NOD1: variants seen among roughly 807,000 people sequenced by gnomAD.
The protein encoded by NOD1 is nucleotide-binding oligomerization domain-containing protein 1.
In NOD1, 70 loss-of-function variants were observed where a neutral mutation model predicts 81.2. The observed-to-expected ratio is 0.86, with a 90% CI of 0.71 to 1.05. NOD1 has a LOEUF of 1.05. Ranked by LOEUF, NOD1 falls within the 50% of genes least tolerant of loss-of-function variation. NOD1 has a pLI of 0.00. For missense variants in NOD1, 1,233 were observed against 1,228.0 expected (o/e 1.00, Z -0.06); for synonymous variants, 508 against 526.9 (o/e 0.96, Z 0.49).
Position 30,451,206 on chromosome 7 carries a change from G to A in NOD1, c.2201+10C>T, listed in dbSNP as rs769462181. On this transcript the variant is annotated intron_variant, in intron 6 of 13. Transcript: ENST00000222823. This position sits in a 1 kb window ranked among gnomAD's most constrained non-coding sequence, Gnocchi z 4.2. ...GCCCACCTGTTGCTCCCCTTGCCTG[G>A]CAGCCTCACCTGAGAACAGTGAGGC... 1.9e-6 allele frequency: 3 copies of A among 1,606,804 alleles called. No homozygotes were observed. The highest frequency in any genetic ancestry group is 1.7e-5 in the Admixed American group (1 of 59,806).
At position 30,459,260 on chromosome 7, in the gene NOD1, CT is replaced by C. The variant is rs1322919366; in HGVS notation, c.-210-21del. 6.6e-6 allele frequency: 1 copy of C among 152,488 alleles called. No homozygotes were observed. Among genetic ancestry groups the C allele is most frequent in the Non-Finnish European group, 1.5e-5 (1 of 68,002 alleles). 9.4% of individuals were successfully genotyped at this position (152,488 alleles called of 1,614,324 possible). On this transcript the variant is annotated intron_variant, in intron 2 of 13. Coordinates refer to ENST00000222823, the MANE Select transcript of NOD1 (RefSeq NM_006092.4). Reference sequence around the variant, plus strand: ...TGGAATCTGCAAAATCAAAGAAAGACTTAAAAAAATTATTGTGGCACATGGT... The same window carrying C: ...TGGAATCTGCAAAATCAAAGAAAGACTAAAAAAATTATTGTGGCACATGGT...
intron 1 of NOD1, chr7:30,463,685 T>A (rs1039954003): frequency 3.4e-5 from 5 of 148,610 alleles, no homozygotes; most frequent in African/African-American, 1.3e-4. Context: ...TGTGCATTTC[T>A]TATAACTGAG....
intron 6 of NOD1, among the ~76,000 whole-genome samples, chr7:30,450,809 A>G (rs112021450): frequency 6.6e-6 from 1 of 152,308 alleles, no homozygotes; most frequent in African/African-American, 2.4e-5. Flanking sequence ...CTGTGCCTCT[A>G]CTTCCTTATC....
At chr7:30,454,847 A>G (rs2128062796) in intron 5 of NOD1, among the ~76,000 whole-genome samples, 1 of 152,340 alleles carries the variant, frequency 6.6e-6, no homozygotes, top group African/African-American at 2.4e-5. Context: ...TTGTGCAACC[A>G]TTAAAATGTC....
intron 3 of NOD1, among the ~76,000 whole-genome samples, chr7:30,458,567 C>G (rs909592583): frequency 1.1e-4 from 16 of 151,956 alleles, no homozygotes; most frequent in African/African-American, 3.9e-4. Flanking sequence ...CTATCAAATG[C>G]CAGACCCCAC....
In NOD1 at chr7:30,426,059, G is replaced by A. The variant is rs1783421129; in HGVS notation, c.2790-349C>T. ...CTCCCTCCCCTTGGCTTGGTTATAT[G>A]CGCTGATTTTTCTCCTGCATCTGAG... is the stretch of plus-strand genomic sequence containing the variant. On this transcript the variant is annotated intron_variant, in intron 13 of 13. Coordinates refer to ENST00000222823, the MANE Select transcript of NOD1 (RefSeq NM_006092.4). Among the ~76,000 whole-genome samples the A allele has an allele frequency of 3.3e-5, 5 of 151,940 alleles. 1 individual carries two copies. The South Asian group carries it at 1.0e-3, about 31-fold the overall frequency.
At chr7:30,454,491 G>A (rs1245366806) in intron 5 of NOD1, among the ~76,000 whole-genome samples, 1 of 152,226 alleles carries the variant, frequency 6.6e-6, no homozygotes, top group African/African-American at 2.4e-5. Flanking sequence ...TAGGGTCTTG[G>A]CATGTGGTGG....
intron 12 of NOD1, among the ~76,000 whole-genome samples, chr7:30,430,641 G>GAAGAA (rs551602460): frequency 6.6e-6 from 1 of 152,206 alleles, no homozygotes; most frequent in South Asian, 2.1e-4. Context: ...ACAGAACCTT[G>GAAGAA]AAGAAATAAA....
At chr7:30,426,508 C>T (rs577461895) in intron 13 of NOD1, among the ~76,000 whole-genome samples, 1 of 152,132 alleles carries the variant, frequency 6.6e-6, no homozygotes, top group East Asian at 1.9e-4. Context: ...GTACAATGTC[C>T]TACTGACAGG....
intron 12 of NOD1, 123 bp from the exon 13 acceptor site, chr7:30,429,580 A>G (rs1415924919): frequency 6.5e-6 from 5 of 765,224 alleles, no homozygotes; most frequent in Non-Finnish European, 9.2e-6. Context: ...AACTGAGTCC[A>G]TGTGACTTTG....
At position 30,425,271 on chromosome 7, in the gene NOD1, C is replaced by G; in HGVS notation, c.*367G>C. On this transcript the variant is annotated 3_prime_UTR_variant, in exon 14 of 14. Transcript: ENST00000222823. Reference sequence around the variant, plus strand: ...TGAAAAGAGCGGTGACCAACTCGCTCCCGTTGGTCCCTATGGCAGGTGTTG... The same window carrying G: ...TGAAAAGAGCGGTGACCAACTCGCTGCCGTTGGTCCCTATGGCAGGTGTTG... 1 of 228,804 alleles carries G rather than the reference C, an allele frequency of 4.4e-6. No homozygotes were observed. The highest frequency in any genetic ancestry group is 8.7e-6 in the Non-Finnish European group (1 of 115,592). 14.2% of individuals were successfully genotyped at this position (228,804 alleles called of 1,614,324 possible).
In NOD1 at chr7:30,424,825, C is replaced by A. The variant is rs1000152551; in HGVS notation, c.*813G>T. 4 of 152,254 alleles carry A rather than the reference C, an allele frequency of 2.6e-5. No individual in the cohort carries two copies. Among genetic ancestry groups the A allele is most frequent in the African/African-American group, 9.7e-5 (4 of 41,446 alleles). 9.4% of individuals were successfully genotyped at this position (152,254 alleles called of 1,614,324 possible). On this transcript the variant is annotated 3_prime_UTR_variant, in exon 14 of 14. Transcript: ENST00000222823. ...GCCATGCCCTATTTCTTTGGAGGGA[C>A]AGAATCACTTCTTCCCAAGGCCAGA... is the stretch of plus-strand genomic sequence containing the variant.
chr7:30,472,265 C>T (rs1406021192), intron 1 of NOD1, among the ~76,000 whole-genome samples: 1 of 152,190 alleles, frequency 6.6e-6, no homozygotes, highest in African/African-American at 2.4e-5. Context: ...CCCTCCTGGG[C>T]TTGGGCCTTA....
chr7:30,431,689 G>T (rs1457901396), intron 12 of NOD1, among the ~76,000 whole-genome samples: 1 of 152,148 alleles, frequency 6.6e-6, no homozygotes, highest in African/African-American at 2.4e-5. Flanking sequence ...CAACTATAAC[G>T]CTTAACAGAA....
In NOD1 at chr7:30,467,411, G is replaced by A. The variant is rs1583864509; in HGVS notation, c.-351-7370C>T. On this transcript the variant is annotated intron_variant, in intron 1 of 13. Coordinates refer to ENST00000222823, the MANE Select transcript of NOD1 (RefSeq NM_006092.4). The surrounding 1 kb of genome is among the most constrained non-coding windows in gnomAD (Gnocchi z 4.5). The stretch of plus-strand genomic sequence containing the variant: ...ATATTTTAGGGCCTTTTCCTCATTA[G>A]GGCATCTCAGGACATCTTGAGGCAG... Among the ~76,000 whole-genome samples, 1 of 151,994 alleles carries A rather than the reference G, an allele frequency of 6.6e-6. No homozygotes were observed. The highest frequency in any genetic ancestry group is 1.5e-5 in the Non-Finnish European group (1 of 67,996).
chr7:30,451,895 C>T lies in NOD1; in HGVS notation c.1522G>A (p.Gly508Ser), dbSNP rs150897372. The T allele has an allele frequency of 7.0e-5, 113 of 1,613,516 alleles. No homozygotes were observed. The highest frequency in any genetic ancestry group is 8.4e-5 in the Non-Finnish European group (99 of 1,180,004). Reference sequence around the variant, plus strand: ...AAAAACTCATAGGACTGCTGGTCACCCCCGGGGCCCAGCTCCGGCAAAGCC... The same window carrying T: ...AAAAACTCATAGGACTGCTGGTCACTCCCGGGGCCCAGCTCCGGCAAAGCC... ...LRALPELGPG[G>S]DQQSYEFFHL... Residue 508 changes from glycine to serine, a missense_variant, in exon 6 of 14, where the codon GGT (glycine) becomes AGT (serine). Physicochemically the swap from Gly to Ser is moderately conservative, Grantham distance 56. Coordinates refer to ENST00000222823, the MANE Select transcript of NOD1 (RefSeq NM_006092.4). The surrounding 1 kb of genome is among the most constrained non-coding windows in gnomAD (Gnocchi z 4.2).
rs1467998684 is a variant in NOD1, at chr7:30,467,637, G to C, written c.-351-7596C>G. ...AAAAAGCTCTTCCTGTTTTGTGAAA[G>C]TATCACAATAAATCTGATGGGATTG... On this transcript the variant is annotated intron_variant, in intron 1 of 13. Coordinates refer to ENST00000222823, the MANE Select transcript of NOD1 (RefSeq NM_006092.4). The surrounding 1 kb of genome is among the most constrained non-coding windows in gnomAD (Gnocchi z 4.5). Among the ~76,000 whole-genome samples, 1 of 152,218 alleles carries C rather than the reference G, an allele frequency of 6.6e-6. No individual in the cohort carries two copies. The highest frequency in any genetic ancestry group is 6.5e-5 in the Admixed American group (1 of 15,282).
chr7:30,459,291 G>A (rs908827784), intron 2 of NOD1, 51 bp from the exon 3 acceptor site: 1 of 152,588 alleles, frequency 6.6e-6, no homozygotes, highest in African/African-American at 2.4e-5. Context: ...CATGGTGAAT[G>A]AATGAATAAA....
chr7:30,454,882 G>T (rs1786176783), intron 5 of NOD1, among the ~76,000 whole-genome samples: 1 of 152,242 alleles, frequency 6.6e-6, no homozygotes. Context: ...TAGGAAGAAA[G>T]CAAGGGGTCA....
Sources: gnomAD v4.1 joint callset for allele counts (sites outside exome capture counted in the v4.1 genomes callset) on GRCh38, gnomAD v4.1.1 for gene constraint, Gnocchi (gnomAD v3.1) non-coding constraint, MANE v1.5 for transcripts, NCBI Gene and HGNC (gene_info 2026-07-23, HGNC 2026-07-21) for gene names.